PCDH11X: variants seen among roughly 807,000 people sequenced by gnomAD.
The protein encoded by PCDH11X is protocadherin 11 X-linked.
In PCDH11X, 18 loss-of-function variants were observed where a neutral mutation model predicts 53.3. That is an observed-to-expected ratio of 0.34 (90% CI 0.23 to 0.50). The LOEUF (loss-of-function observed/expected upper bound fraction) is 0.50, where lower values mean the gene tolerates loss of function less well. Ranked by LOEUF, PCDH11X falls within the 20% of genes least tolerant of loss-of-function variation. The pLI is 0.98. For synonymous variants in PCDH11X, 279 were observed against 393.3 expected, an observed-to-expected ratio of 0.71 and a Z score of 3.44; for missense variants, 570 against 1,032.4, an observed-to-expected ratio of 0.55 and a Z score of 6.14.
At chrX:92,401,146 C>A (rs1413153365) in intron 9 of PCDH11X, among the ~76,000 whole-genome samples, 1 of 108,085 alleles carries the variant, frequency 9.3e-6, no homozygotes, top group East Asian at 3.2e-4. Context: ...CAAAATTTTC[C>A]TTTTTTCATA....
intron 6 of PCDH11X, among the ~76,000 whole-genome samples, chrX:92,142,783 T>C (rs186622889): frequency 2.3e-3 from 249 of 109,957 alleles, no homozygotes; most frequent in African/African-American, 8.0e-3. Flanking sequence ...CCTTAATATT[T>C]TAGTTTGACA....
intron 6 of PCDH11X, among the ~76,000 whole-genome samples, chrX:92,013,237 AACAG>A (rs2062724249): frequency 9.0e-6 from 1 of 111,702 alleles, no homozygotes; most frequent in Non-Finnish European, 1.9e-5. Context: ...ATACACCAAT[AACAG>A]ACAAACAGAG....
intron 6 of PCDH11X, among the ~76,000 whole-genome samples, chrX:91,921,748 A>G (rs1182072931): frequency 9.3e-6 from 1 of 107,520 alleles, no homozygotes; most frequent in East Asian, 3.0e-4. Flanking sequence ...TTTGGCATTT[A>G]TGAATAAAGC....
chrX:92,199,306 G>A (rs1320590811), intron 6 of PCDH11X, among the ~76,000 whole-genome samples: 1 of 111,756 alleles, frequency 8.9e-6, no homozygotes, highest in Admixed American at 9.5e-5. Flanking sequence ...TTTTGGCACT[G>A]AGCACTATCT....
At chrX:92,502,563 C>T (rs1290888796) in intron 10 of PCDH11X, among the ~76,000 whole-genome samples, 1 of 110,288 alleles carries the variant, frequency 9.1e-6, no homozygotes, top group Non-Finnish European at 1.9e-5. Flanking sequence ...AATGAGACTG[C>T]ACACCTACAA....
chrX:92,356,116 G>A (rs764234398), intron 8 of PCDH11X, among the ~76,000 whole-genome samples: 7 of 111,605 alleles, frequency 6.3e-5, no homozygotes, highest in South Asian at 7.6e-4. Flanking sequence ...TTTGGAGAGC[G>A]AAGCAAAAGT....
chrX:91,802,905 T>C (rs1248707761), intron 1 of PCDH11X, among the ~76,000 whole-genome samples: 1 of 111,051 alleles, frequency 9.0e-6, no homozygotes, highest in Non-Finnish European at 1.9e-5. Context: ...GTTGGAGAAG[T>C]CTTTATGAAT....
chrX:92,030,881 G>A (rs191099392), intron 6 of PCDH11X, among the ~76,000 whole-genome samples: 143 of 103,766 alleles, frequency 1.4e-3, no homozygotes, highest in South Asian at 2.2e-3. Context: ...TTATCCATTC[G>A]TCTGTTGATG....
intron 10 of PCDH11X, among the ~76,000 whole-genome samples, chrX:92,503,786 G>A (rs150156924): frequency 6.4e-4 from 71 of 111,128 alleles, no homozygotes; most frequent in Non-Finnish European, 8.5e-4. Context: ...TCTGGGTGAT[G>A]GGATAATCTG....
At chrX:92,041,936 T>C (rs1210765885) in intron 6 of PCDH11X, among the ~76,000 whole-genome samples, 2 of 112,336 alleles carry the variant, frequency 1.8e-5, no homozygotes, top group Non-Finnish European at 3.8e-5. Flanking sequence ...ACCACTGCAC[T>C]CTAGCCTGGG....
chrX:92,230,452 A>ATAATATATAAATATAT (rs1399926692), intron 7 of PCDH11X, among the ~76,000 whole-genome samples: 1 of 11,512 alleles, frequency 8.7e-5, no homozygotes, highest in South Asian at 6.0e-3. Flanking sequence ...ATTTATATAT[A>ATAATATATAAATATAT]ATTTATAAAA....
intron 10 of PCDH11X, among the ~76,000 whole-genome samples, chrX:92,499,327 C>A (rs757117252): frequency 1.2e-5 from 1 of 82,590 alleles, no homozygotes; most frequent in African/African-American, 4.2e-5. Context: ...GATTGAATAT[C>A]TGATTCTATA....
chrX:92,530,782 A>C (rs762285331), intron 10 of PCDH11X, among the ~76,000 whole-genome samples: 1 of 111,923 alleles, frequency 8.9e-6, no homozygotes, highest in Non-Finnish European at 1.9e-5. Context: ...TATCAGATTT[A>C]GTTATCAGGT....
chrX:92,206,453 C>G (rs1425077396), intron 7 of PCDH11X, among the ~76,000 whole-genome samples: 5 of 111,493 alleles, frequency 4.5e-5, no homozygotes, highest in African/African-American at 1.6e-4. Context: ...TTGATAATGC[C>G]ACATTCAACA....
At chrX:92,000,726 C>T (rs1285551951) in intron 6 of PCDH11X, among the ~76,000 whole-genome samples, 1 of 102,659 alleles carries the variant, frequency 9.7e-6, no homozygotes, top group Non-Finnish European at 2.0e-5. Context: ...CCCAAGCCCC[C>T]CATTACCCTT....
intron 10 of PCDH11X, among the ~76,000 whole-genome samples, chrX:92,523,497 T>C (rs1379033701): frequency 2.7e-5 from 3 of 112,022 alleles, no homozygotes; most frequent in African/African-American, 9.7e-5. Flanking sequence ...TGAATGACGA[T>C]TGAAATTTGA....
At chrX:92,514,963 C>G (rs1354690954) in intron 10 of PCDH11X, among the ~76,000 whole-genome samples, 3 of 99,037 alleles carry the variant, frequency 3.0e-5, no homozygotes, top group African/African-American at 1.1e-4. Context: ...AGGAAAATGG[C>G]GTGAACCCGG....
At chrX:91,875,060 G>A (rs139514177) in intron 5 of PCDH11X, among the ~76,000 whole-genome samples, 1,601 of 110,136 alleles carry the variant, frequency 0.015, 13 homozygotes, top group Middle Eastern at 0.033. Context: ...GTGTGTGTGT[G>A]TATATATCTG....
At chrX:92,334,184 A>G (rs1421545694) in intron 8 of PCDH11X, among the ~76,000 whole-genome samples, 5 of 112,217 alleles carry the variant, frequency 4.5e-5, no homozygotes, top group Non-Finnish European at 9.4e-5. Flanking sequence ...TTTATCATTT[A>G]CTACCATAAA....
Sources: allele counts gnomAD v4.1 joint callset (sites outside exome capture counted in the v4.1 genomes callset), GRCh38; gene constraint gnomAD v4.1.1; transcripts MANE v1.5; gene names NCBI Gene and HGNC (gene_info 2026-07-23, HGNC 2026-07-21).